The following IFFO2 variants were observed in gnomAD, a reference collection of about 807,000 sequenced individuals.
IFFO2 encodes intermediate filament family orphan 2.
A neutral mutation model predicts 53.5 loss-of-function variants in IFFO2; 19 were observed. The ratio of observed to expected loss-of-function variants is 0.36; its 90% CI spans 0.25 to 0.52. The LOEUF (loss-of-function observed/expected upper bound fraction) is 0.52, where lower values mean the gene tolerates loss of function less well. Among genes scored for constraint, IFFO2 ranks in the 20% least tolerant of loss-of-function variants. The pLI, the probability that IFFO2 is intolerant of heterozygous loss-of-function variation, is 0.94. For synonymous variants in IFFO2, 303 were observed against 313.6 expected (o/e 0.97, Z 0.36); for missense variants, 570 against 727.4 (o/e 0.78, Z 2.49).
rs1409821418 is a variant in IFFO2 at position 18,912,076 on chromosome 1, T to C, written c.1111A>G (p.Thr371Ala). The C allele has an allele frequency of 2.6e-6, 4 of 1,551,132 alleles. No individual in the cohort carries two copies. The highest frequency in any genetic ancestry group is 3.5e-6 in the Non-Finnish European group (4 of 1,146,848). The change falls in exon 6 of 9, where the codon ACC becomes GCC. Residue 371 changes from threonine (T) to alanine (A), a missense_variant. Physicochemically the swap from Thr to Ala is moderately conservative, Grantham distance 58. Coordinates refer to ENST00000455833, the MANE Select transcript of IFFO2 (RefSeq NM_001136265.2). Reference protein sequence around the residue: ...MKRMFNQLRETFDFDDDCDSL... With the variant: ...MKRMFNQLREAFDFDDDCDSL... ...TCACAGTCGTCGTCAAAGTCAAAGG[T>C]CTCCCGCCTGTGGGGGTGACACCAG...
intron 1 of IFFO2, among the ~76,000 whole-genome samples, chr1:18,952,124 G>A (rs1936666459): frequency 6.6e-6 from 1 of 152,228 alleles, no homozygotes; most frequent in Admixed American, 6.5e-5. Context: ...AACTCAGTGG[G>A]AAACTCCAGG....
intron 1 of IFFO2, among the ~76,000 whole-genome samples, chr1:18,950,487 C>T (rs921420338): frequency 5.3e-5 from 8 of 152,168 alleles, no homozygotes; most frequent in Admixed American, 1.3e-4. Context: ...GAGGACGAAG[C>T]GGGGAGCTCC....
At chr1:18,915,108 G>A (rs1936112115) in intron 5 of IFFO2, among the ~76,000 whole-genome samples, 1 of 152,124 alleles carries the variant, frequency 6.6e-6, no homozygotes. Context: ...TCTCTTCCAG[G>A]CATGGCGTGG....
In IFFO2 at chr1:18,916,918, C is replaced by A; in HGVS notation, c.1088G>T (p.Arg363Leu). The A allele has an allele frequency of 1.3e-6, 2 of 1,551,840 alleles. No individual in the cohort carries two copies. Among genetic ancestry groups the A allele is most frequent in the Non-Finnish European group, 1.7e-6 (2 of 1,147,010 alleles). ...GSMNITDEMK[R>L]MFNQLRETFD... The stretch of plus-strand genomic sequence containing the variant: ...GGATACTCACAGCTGGTTAAACATG[C>A]GCTTCATCTCATCGGTGATGTTCAT... The change falls in exon 5 of 9, where the codon CGC (arginine) becomes CTC (leucine). Residue 363 changes from arginine (R) to leucine (L), a missense_variant. Physicochemically the swap from Arg to Leu is moderately radical, Grantham distance 102. Transcript: ENST00000455833. This position sits in a 1 kb window ranked among gnomAD's most constrained non-coding sequence, Gnocchi z 4.3.
rs2100648766 is a variant in IFFO2, at chr1:18,917,162, TGC to T, written c.964-122_964-121del. On this transcript the variant is annotated intron_variant, in intron 4 of 8. Coordinates refer to ENST00000455833, the MANE Select transcript of IFFO2 (RefSeq NM_001136265.2). This position sits in a 1 kb window ranked among gnomAD's most constrained non-coding sequence, Gnocchi z 5.9. ...GATGAGCGTGACTGGGGCCGGCCAG[TGC>T]CAGGAAAGGTGCAGGTCCTCTAAGA... 8.6e-7 allele frequency: 1 copy of T among 1,167,560 alleles called. No individual in the cohort carries two copies. The highest frequency in any genetic ancestry group is 2.4e-5 in the Admixed American group (1 of 41,866). 72.3% of individuals were successfully genotyped at this position (1,167,560 alleles called of 1,614,324 possible).
intron 1 of IFFO2, among the ~76,000 whole-genome samples, chr1:18,937,198 A>G (rs1936460608): frequency 6.6e-6 from 1 of 152,212 alleles, no homozygotes; most frequent in Non-Finnish European, 1.5e-5. Context: ...ACAAGGACCC[A>G]GCTAACAAAA....
chr1:18,910,341 C>T lies in IFFO2; in HGVS notation c.1448+1G>A, dbSNP rs773682972. 1 of 1,605,116 alleles carries T rather than the reference C, an allele frequency of 6.2e-7. No individual in the cohort carries two copies. Reference sequence around the variant, plus strand: ...AATCCCCTGGGAGGATGGGCGGGTACCTGTCTGCGGAGCCTTTGATGAGCC... The same window carrying T: ...AATCCCCTGGGAGGATGGGCGGGTATCTGTCTGCGGAGCCTTTGATGAGCC... On this transcript the variant is annotated splice_donor_variant, in intron 8 of 8. Transcript: ENST00000455833. LOFTEE classifies it high-confidence loss of function.
Position 18,916,840 on chromosome 1 carries a change from T to A in IFFO2, c.1103+63A>T, listed in dbSNP as rs1464318668. ...GGCTACTCTCAGCCCAAGCCTCCCA[T>A]TCACCGCCCCTGTGCAAGCAATCCG... On this transcript the variant is annotated intron_variant, in intron 5 of 8. Coordinates refer to ENST00000455833, the MANE Select transcript of IFFO2 (RefSeq NM_001136265.2). This position sits in a 1 kb window ranked among gnomAD's most constrained non-coding sequence, Gnocchi z 4.3. 3 of 1,533,220 alleles carry A rather than the reference T, an allele frequency of 2.0e-6. No individual in the cohort carries two copies. In the African/African-American group the frequency reaches 4.1e-5, roughly 21 times the overall value. The allele number at this position is 1,533,220 out of a possible 1,614,324, so 95.0% of individuals were successfully genotyped here. A position where few individuals can be genotyped will look rare whatever the true frequency, so the allele number is the denominator to read the frequency against.
chr1:18,908,463 G>A lies in IFFO2; in HGVS notation c.*98C>T. The A allele has an allele frequency of 1.2e-6, 1 of 821,368 alleles. No individual in the cohort carries two copies. The highest frequency in any genetic ancestry group is 2.0e-6 in the Non-Finnish European group (1 of 488,410). 50.9% of individuals were successfully genotyped at this position (821,368 alleles called of 1,614,324 possible). A position where few individuals can be genotyped will look rare whatever the true frequency, so the allele number is the denominator to read the frequency against. ...GGAGGGCAGAGAAAGTCTGTGTGGTGTGGCTTCGAACCCCACTCCGAGGGG... is the reference window on the plus strand; with the variant it reads ...GGAGGGCAGAGAAAGTCTGTGTGGTATGGCTTCGAACCCCACTCCGAGGGG... On this transcript the variant is annotated 3_prime_UTR_variant, in exon 9 of 9. Transcript: ENST00000455833.
At chr1:18,911,512 TTTATTTATTTA>T in intron 6 of IFFO2, 36 bp from the exon 7 acceptor site, 1 of 438,220 alleles carries the variant, frequency 2.3e-6, no homozygotes, top group Non-Finnish European at 3.4e-6. Context: ...GTTTATTTTA[TTTATTTATTTA>T]TTTATTTATT....
rs1249871990 is a variant in IFFO2, at chr1:18,919,470, C to G, written c.822+208G>C. ...AGCGGCAGATTAATGCATCTCTACT[C>G]AGACCGAGGGAAGCAGAAGTGGGGA... is the stretch of plus-strand genomic sequence containing the variant. On this transcript the variant is annotated intron_variant, in intron 3 of 8. Transcript: ENST00000455833. The surrounding 1 kb of genome is among the most constrained non-coding windows in gnomAD (Gnocchi z 4.9). 6.6e-6 allele frequency among the ~76,000 whole-genome samples: 1 copy of G among 150,618 alleles called. No individual in the cohort carries two copies. The highest frequency in any genetic ancestry group is 2.4e-5 in the African/African-American group (1 of 40,946).
rs1175909592 is a variant in IFFO2, at chr1:18,907,313, C to T, written c.*1248G>A. The T allele has an allele frequency of 6.6e-6, 1 of 152,204 alleles. No homozygotes were observed. The highest frequency in any genetic ancestry group is 1.5e-5 in the Non-Finnish European group (1 of 68,044). The allele number at this position is 152,204 out of a possible 1,614,324, so 9.4% of individuals were successfully genotyped here. On this transcript the variant is annotated 3_prime_UTR_variant, in exon 9 of 9. Transcript: ENST00000455833. ...GGGATGCTGGCTCAGATCAATACCC[C>T]GACTGGCCAGTCGAGGGAACTGCTG...
chr1:18,937,795 C>T (rs1936468843), intron 1 of IFFO2, among the ~76,000 whole-genome samples: 1 of 152,258 alleles, frequency 6.6e-6, no homozygotes, highest in African/African-American at 2.4e-5. Flanking sequence ...TTGGGGCTCT[C>T]AGATGGATGG....
chr1:18,924,541 C>T (rs1188147565), intron 1 of IFFO2, among the ~76,000 whole-genome samples: 4 of 152,188 alleles, frequency 2.6e-5, no homozygotes, highest in Non-Finnish European at 4.4e-5. Context: ...CGTTTCCTTT[C>T]AGCCTGCACC....
chr1:18,921,651 CTG>C (rs1287007086), intron 1 of IFFO2, among the ~76,000 whole-genome samples: 1 of 152,230 alleles, frequency 6.6e-6, no homozygotes, highest in Non-Finnish European at 1.5e-5. Context: ...GAAGTGGAAA[CTG>C]AGGCTCGGAG....
chr1:18,915,059 C>T (rs1487262269), intron 5 of IFFO2, among the ~76,000 whole-genome samples: 1 of 152,134 alleles, frequency 6.6e-6, no homozygotes, highest in Non-Finnish European at 1.5e-5. Context: ...CTCCTGTCTA[C>T]CTTAAAAGTC....
chr1:18,927,701 G>A (rs527387587), intron 1 of IFFO2, among the ~76,000 whole-genome samples: 14 of 152,400 alleles, frequency 9.2e-5, no homozygotes, highest in African/African-American at 3.1e-4. Flanking sequence ...TAATATCTGA[G>A]CTGGAAGAAG....
At position 18,904,748 on chromosome 1, in the gene IFFO2, G is replaced by A. The variant is rs1569820385; in HGVS notation, c.*3813C>T. Reference sequence around the variant, plus strand: ...AGGAGAGAGCTCTTCTAGAGCCAGAGCTTGGTGTCTCAAGGGGGAAGACCC... The same window carrying A: ...AGGAGAGAGCTCTTCTAGAGCCAGAACTTGGTGTCTCAAGGGGGAAGACCC... On this transcript the variant is annotated 3_prime_UTR_variant, in exon 9 of 9. Transcript: ENST00000455833. 1 of 152,288 alleles carries A rather than the reference G, an allele frequency of 6.6e-6. No homozygotes were observed. Among genetic ancestry groups the A allele is most frequent in the South Asian group, 2.1e-4 (1 of 4,828 alleles). 9.4% of individuals were successfully genotyped at this position (152,288 alleles called of 1,614,324 possible). A position where few individuals can be genotyped will look rare whatever the true frequency, so the allele number is the denominator to read the frequency against.
In IFFO2 at chr1:18,916,446, T is replaced by C. The variant is rs549934710; in HGVS notation, c.1103+457A>G. Among the ~76,000 whole-genome samples the C allele has an allele frequency of 6.6e-6, 1 of 152,094 alleles. No individual in the cohort carries two copies. Among genetic ancestry groups the C allele is most frequent in the Non-Finnish European group, 1.5e-5 (1 of 68,016 alleles). On this transcript the variant is annotated intron_variant, in intron 5 of 8. Transcript: ENST00000455833. The surrounding 1 kb of genome is among the most constrained non-coding windows in gnomAD (Gnocchi z 4.3). ...GAGCTTCCAAGAGAGGCTGAACATA[T>C]GAAATTTCCCAAATTACAAATGTTG... is the stretch of plus-strand genomic sequence containing the variant.
Sources: allele counts gnomAD v4.1 joint callset (sites outside exome capture counted in the v4.1 genomes callset), GRCh38; gene constraint gnomAD v4.1.1; non-coding constraint Gnocchi (gnomAD v3.1); transcripts MANE v1.5; gene names NCBI Gene and HGNC (gene_info 2026-07-23, HGNC 2026-07-21).